Variants in TTLL3 observed in about 807,000 individuals in gnomAD.
TTLL3 encodes tubulin monoglycylase TTLL3.
TTLL3 carries 63 observed loss-of-function variants against 75.2 expected under a neutral mutation model. The observed-to-expected ratio is 0.84, with a 90% CI of 0.68 to 1.03. TTLL3 has a LOEUF of 1.03. Ranked by LOEUF, TTLL3 falls within the 50% of genes least tolerant of loss-of-function variation. TTLL3 has a pLI of 0.00. For missense variants in TTLL3, 997 were observed against 1,069.9 expected (o/e 0.93, Z 0.95); for synonymous variants, 393 against 418.5 (o/e 0.94, Z 0.74).
intron 8 of TTLL3, among the ~76,000 whole-genome samples, chr3:9,822,974 G>A (rs967763048): frequency 1.3e-5 from 2 of 150,520 alleles, no homozygotes; most frequent in South Asian, 2.1e-4. Context: ...CACTTGGGGC[G>A]GTGGCTTATG....
At chr3:9,822,957 A>C (rs6766418) in intron 8 of TTLL3, among the ~76,000 whole-genome samples, 126,208 of 150,270 alleles carry the variant, frequency 0.84, 53,336 homozygotes, top group Non-Finnish European at 0.89. Flanking sequence ...TTTAAAAAAA[A>C]CAATTCCACT....
intron 12 of TTLL3, chr3:9,834,441 A>G: frequency 1.4e-6 from 1 of 704,090 alleles, no homozygotes; most frequent in Non-Finnish European, 2.6e-6. Context: ...GGTATCAGGA[A>G]GTTTAAGGAA....
In TTLL3 at chr3:9,827,153, C is replaced by T. The variant is rs146100421; in HGVS notation, c.1160C>T (p.Thr387Ile). ...KFDLRQWFLVTDWNPLTVWFY... is the reference protein window; with the variant it reads ...KFDLRQWFLVIDWNPLTVWFY... The stretch of plus-strand genomic sequence containing the variant: ...GACCTCAGACAGTGGTTCCTGGTAA[C>T]TGACTGGAACCCACTTACCGTGTGG... Residue 387 changes from threonine to isoleucine, a missense_variant, in exon 10 of 14, where the codon ACT (threonine) becomes ATT (isoleucine). Thr to Ile is a moderately conservative substitution (Grantham distance 89). Transcript: ENST00000685419. The T allele has an allele frequency of 9.3e-6, 15 of 1,614,132 alleles. No homozygotes were observed. Among genetic ancestry groups the T allele is most frequent in the Non-Finnish European group, 1.3e-5 (15 of 1,180,044 alleles).
chr3:9,814,220 C>T (rs6790231), intron 4 of TTLL3, among the ~76,000 whole-genome samples: 27,239 of 152,144 alleles, frequency 0.18, 2,695 homozygotes, highest in African/African-American at 0.24. Flanking sequence ...CCTGTAATCC[C>T]AGCTACTCGG....
intron 10 of TTLL3, chr3:9,827,659 A>C: frequency 4.3e-6 from 1 of 234,100 alleles, no homozygotes; most frequent in Non-Finnish European, 8.5e-6. Context: ...TTGGCTTCCC[A>C]AAGTGCTGGG....
chr3:9,819,167 C>T lies in TTLL3; in HGVS notation c.658+247C>T, dbSNP rs542834388. The stretch of plus-strand genomic sequence containing the variant: ...CCCACCCTTCCACTCATCCTTCCAT[C>T]CTCCCACCTGTCACCCATTGTTAAT... On this transcript the variant is annotated intron_variant, in intron 7 of 13. Transcript: ENST00000685419. 1.5e-5 allele frequency: 8 copies of T among 537,500 alleles called. No homozygotes were observed. The South Asian group carries it at 1.8e-4, about 12-fold the overall frequency. 33.3% of individuals were successfully genotyped at this position (537,500 alleles called of 1,614,324 possible).
At chr3:9,822,065 T>G (rs1390780128) in intron 8 of TTLL3, among the ~76,000 whole-genome samples, 1 of 29,614 alleles carries the variant, frequency 3.4e-5, no homozygotes, top group Non-Finnish European at 1.2e-4. Flanking sequence ...CGAGTCCCTT[T>G]TTTTTTTTTT....
intron 10 of TTLL3, chr3:9,827,553 C>A (rs1453622624): frequency 1.6e-5 from 5 of 316,068 alleles, no homozygotes; most frequent in Non-Finnish European, 1.2e-5. Flanking sequence ...CAGGCATGTA[C>A]CACAGCTGAT....
rs1305549407 is a variant in TTLL3 at position 9,819,839 on chromosome 3, A to G, written c.659-707A>G. 6 of 985,288 alleles carry G rather than the reference A, an allele frequency of 6.1e-6. No individual in the cohort carries two copies. In the East Asian group the frequency reaches 3.4e-4, roughly 56 times the overall value. 61.0% of individuals were successfully genotyped at this position (985,288 alleles called of 1,614,324 possible). On this transcript the variant is annotated intron_variant, in intron 7 of 13. Coordinates refer to ENST00000685419, the MANE Select transcript of TTLL3 (RefSeq NM_001387446.1). ...CACAAGGAAGGCTTGGTTGTGTGCC[A>G]GGATAAGGGGCACAAGGGCCTCGGG... is the stretch of plus-strand genomic sequence containing the variant.
At chr3:9,820,257 G>C in intron 7 of TTLL3, 1 of 1,191,558 alleles carries the variant, frequency 8.4e-7, no homozygotes, top group Non-Finnish European at 1.0e-6. Flanking sequence ...GTGTGTTAGA[G>C]GTCCCAGGGG....
Position 9,813,070 on chromosome 3 carries a change from TG to T in TTLL3, c.178del (p.Asp60IlefsTer34). ...ACCCTGCTGCCACCCCAGAAGGATCTGGATAGCTCAGCGATGGGTGACAGTG... is the reference window on the plus strand; with the variant it reads ...ACCCTGCTGCCACCCCAGAAGGATCTGATAGCTCAGCGATGGGTGACAGTG... ...GPTLLPPQKDLDSSAMGDSDT... is the reference protein window; with the variant it reads ...GPTLLPPQKDXDSSAMGDSDT... On this transcript the variant is annotated frameshift_variant, in exon 3 of 14. Transcript: ENST00000685419. LOFTEE classifies it high-confidence loss of function. The T allele has an allele frequency of 6.3e-7, 1 of 1,585,604 alleles. No individual in the cohort carries two copies. Among genetic ancestry groups the T allele is most frequent in the Non-Finnish European group, 8.6e-7 (1 of 1,163,318 alleles).
rs779242315 is a variant in TTLL3, at chr3:9,825,926, A to C, written c.981A>C (p.Pro327=). 1 of 1,613,878 alleles carries C rather than the reference A, an allele frequency of 6.2e-7. No homozygotes were observed. Among genetic ancestry groups the C allele is most frequent in the Non-Finnish European group, 8.5e-7 (1 of 1,179,784 alleles). The part of the protein sequence containing the change: ...EGDRNIWIVK[P]GAKSRGRGIM... ...ATCGCAACATCTGGATCGTGAAGCC[A>C]GGAGCCAAGTCCCGCGGACGAGGTG... Residue 327 remains proline, a synonymous_variant, in exon 9 of 14, where the codon CCA becomes CCC. Transcript: ENST00000685419.
At position 9,815,969 on chromosome 3, in the gene TTLL3, T is replaced by C. The variant is rs947841104; in HGVS notation, c.316-105T>C. 3 of 1,139,778 alleles carry C rather than the reference T, an allele frequency of 2.6e-6. No individual in the cohort carries two copies. The African/African-American group carries it at 4.9e-5, about 18-fold the overall frequency. 70.6% of individuals were successfully genotyped at this position (1,139,778 alleles called of 1,614,324 possible). ...GCTAGAGGCCACCTTGGAAGCATCC[T>C]CTCCTTCCTGTTCACCCACCCTGCT... is the stretch of plus-strand genomic sequence containing the variant. On this transcript the variant is annotated intron_variant, in intron 4 of 13. Transcript: ENST00000685419.
Position 9,834,888 on chromosome 3 carries a change from G to A in TTLL3, c.2033G>A (p.Ser678Asn), listed in dbSNP as rs377182560. The change falls in exon 13 of 14, where the codon AGC becomes AAC. Residue 678 changes from serine (S) to asparagine (N), a missense_variant. Ser to Asn is a conservative substitution (Grantham distance 46, BLOSUM62 1). Transcript: ENST00000685419. ...PPNLDFKVAPSILKPRKAPAL... is the reference protein window; with the variant it reads ...PPNLDFKVAPNILKPRKAPAL... ...AACCTTGATTTCAAGGTGGCACCCA[G>A]CATCCTGAAGCCAAGAAAGGTGGGC... 1.9e-6 allele frequency: 3 copies of A among 1,614,230 alleles called. No individual in the cohort carries two copies. The highest frequency in any genetic ancestry group is 2.5e-6 in the Non-Finnish European group (3 of 1,180,048).
In TTLL3 at chr3:9,827,187, C is replaced by T. The variant is rs554971140; in HGVS notation, c.1194C>T (p.Arg398=). The change falls in exon 10 of 14, where the codon CGC becomes CGT. Residue 398 remains arginine, a synonymous_variant. Coordinates refer to ENST00000685419, the MANE Select transcript of TTLL3 (RefSeq NM_001387446.1). ...ACCCACTTACCGTGTGGTTCTACCGCGACAGCTATATCCGCTTTTCCACGC... is the reference window on the plus strand; with the variant it reads ...ACCCACTTACCGTGTGGTTCTACCGTGACAGCTATATCCGCTTTTCCACGC... ...DWNPLTVWFY[R]DSYIRFSTQP... 35 of 1,614,234 alleles carry T rather than the reference C, an allele frequency of 2.2e-5. No individual in the cohort carries two copies. The South Asian group carries it at 3.0e-4, about 14-fold the overall frequency.
At chr3:9,824,767 A>C (rs1450403902) in intron 8 of TTLL3, among the ~76,000 whole-genome samples, 3 of 106,362 alleles carry the variant, frequency 2.8e-5, no homozygotes, top group Non-Finnish European at 5.5e-5. Flanking sequence ...TTGAGACGGA[A>C]TCTTGCTCTG....
intron 11 of TTLL3, among the ~76,000 whole-genome samples, chr3:9,831,868 G>A (rs906942380): frequency 1.3e-5 from 2 of 148,828 alleles, no homozygotes; most frequent in Admixed American, 6.8e-5. Context: ...GTGCTAGCTC[G>A]GCTCACTGCA....
At position 9,829,424 on chromosome 3, in the gene TTLL3, C is replaced by G. The variant is rs566156112; in HGVS notation, c.1683+29C>G. 3.2e-6 allele frequency: 5 copies of G among 1,556,532 alleles called. No individual in the cohort carries two copies. The Admixed American group carries it at 7.2e-5, about 22-fold the overall frequency. ...AGGAGGTTGGGCCCAGGCAGGACCC[C>G]AGAGAGTCTGCACCCTCTTCCAGGC... On this transcript the variant is annotated intron_variant, in intron 11 of 13. Coordinates refer to ENST00000685419, the MANE Select transcript of TTLL3 (RefSeq NM_001387446.1).
rs1446888611 is a variant in TTLL3 at position 9,810,631 on chromosome 3, C to A, written c.-31C>A. The A allele has an allele frequency of 6.4e-7, 1 of 1,569,408 alleles. No individual in the cohort carries two copies. Among genetic ancestry groups the A allele is most frequent in the South Asian group, 1.2e-5 (1 of 85,276 alleles). On this transcript the variant is annotated 5_prime_UTR_variant, in exon 2 of 14. Coordinates refer to ENST00000685419, the MANE Select transcript of TTLL3 (RefSeq NM_001387446.1). The surrounding 1 kb of genome is among the most constrained non-coding windows in gnomAD (Gnocchi z 4.4). ...CGCATCTTTCTGCAGGTTTCCCGGTCCTCTGGCGAGGATCCTCCAAGGCGT... is the reference window on the plus strand; with the variant it reads ...CGCATCTTTCTGCAGGTTTCCCGGTACTCTGGCGAGGATCCTCCAAGGCGT...
Sources: allele counts gnomAD v4.1 joint callset (sites outside exome capture counted in the v4.1 genomes callset), GRCh38; gene constraint gnomAD v4.1.1; non-coding constraint Gnocchi (gnomAD v3.1); transcripts MANE v1.5; gene names NCBI Gene and HGNC (gene_info 2026-07-23, HGNC 2026-07-21).